The following FREM1 variants were observed in gnomAD, a reference collection of about 807,000 sequenced individuals.
The protein encoded by FREM1 is FRAS1-related extracellular matrix protein 1.
A neutral mutation model predicts 210.1 loss-of-function variants in FREM1; 220 were observed. The ratio of observed to expected loss-of-function variants is 1.05; its 90% CI spans 0.94 to 1.17. FREM1 has a LOEUF of 1.17. Among genes scored for constraint, FREM1 ranks in the 50% most tolerant of loss-of-function variants. The pLI, the probability that FREM1 is intolerant of heterozygous loss-of-function variation, is 0.00. For missense variants in FREM1, 3,454 were observed against 2,675.5 expected (o/e 1.29, Z -6.42); for synonymous variants, 1,189 against 980.2 (o/e 1.21, Z -3.98).
At chr9:14,837,714 A>G (rs770258982) in intron 10 of FREM1, among the ~76,000 whole-genome samples, 1 of 152,188 alleles carries the variant, frequency 6.6e-6, no homozygotes, top group Non-Finnish European at 1.5e-5. Context: ...TTAGCGAAAC[A>G]CTGTAATTGG....
At chr9:14,890,311 C>G (rs1395832291) in intron 1 of FREM1, among the ~76,000 whole-genome samples, 1 of 152,228 alleles carries the variant, frequency 6.6e-6, no homozygotes, top group Non-Finnish European at 1.5e-5. Flanking sequence ...AGCTCAAACT[C>G]TACCCTGCCA....
At chr9:14,888,844 G>A (rs1836275620) in intron 1 of FREM1, among the ~76,000 whole-genome samples, 1 of 151,954 alleles carries the variant, frequency 6.6e-6, no homozygotes, top group South Asian at 2.1e-4. Context: ...TGCTTTTTCT[G>A]AAAATAACTT....
intron 7 of FREM1, among the ~76,000 whole-genome samples, chr9:14,848,392 G>C (rs1345667302): frequency 6.6e-6 from 1 of 152,082 alleles, no homozygotes; most frequent in Non-Finnish European, 1.5e-5. Flanking sequence ...TCAGTTTTTT[G>C]CTTCATTCAG....
intron 10 of FREM1, among the ~76,000 whole-genome samples, chr9:14,837,536 C>A (rs948997098): frequency 5.9e-5 from 9 of 152,118 alleles, no homozygotes; most frequent in Non-Finnish European, 8.8e-5. Flanking sequence ...GCTGTACATT[C>A]TTCTTACACA....
Position 14,844,049 on chromosome 9 carries a change from G to A in FREM1, c.1394-1389C>T, listed in dbSNP as rs573203683. 4.5e-4 allele frequency among the ~76,000 whole-genome samples: 69 copies of A among 152,252 alleles called. No individual in the cohort carries two copies. The South Asian group carries it at 6.4e-3, about 14-fold the overall frequency. On this transcript the variant is annotated intron_variant, in intron 8 of 36. Coordinates refer to ENST00000380880, the MANE Select transcript of FREM1 (RefSeq NM_001379081.2). ...AGTTGATATGAGATAACAAGTTAAA[G>A]TATACAGAATGCTTTCTACAGTGTC...
chr9:14,901,183 A>T (rs1838720871), intron 1 of FREM1, among the ~76,000 whole-genome samples: 1 of 152,212 alleles, frequency 6.6e-6, no homozygotes, highest in Non-Finnish European at 1.5e-5. Context: ...GCAGTATGTA[A>T]TAGATCTCTC....
chr9:14,816,546 C>T (rs928529184), intron 15 of FREM1, among the ~76,000 whole-genome samples: 6 of 152,236 alleles, frequency 3.9e-5, no homozygotes, highest in African/African-American at 7.2e-5. Flanking sequence ...TCATAAAAGG[C>T]TCATAGCTCA....
chr9:14,791,011 G>A (rs917817506), intron 22 of FREM1: 1 of 152,184 alleles, frequency 6.6e-6, no homozygotes, highest in African/African-American at 2.4e-5. Context: ...GTTCCACATA[G>A]AATGAATTCT....
intron 16 of FREM1, among the ~76,000 whole-genome samples, chr9:14,809,819 G>A (rs754132681): frequency 2.4e-4 from 36 of 152,164 alleles, no homozygotes; most frequent in Admixed American, 9.8e-4. Flanking sequence ...CACACTATGC[G>A]TCAGGCACCG....
At chr9:14,816,160 T>C (rs565871295) in intron 15 of FREM1, among the ~76,000 whole-genome samples, 22 of 152,312 alleles carry the variant, frequency 1.4e-4, no homozygotes, top group African/African-American at 4.3e-4. Flanking sequence ...TTCAAAGATA[T>C]TAGAAATAAT....
chr9:14,828,335 G>T, intron 10 of FREM1, among the ~76,000 whole-genome samples: 1 of 152,138 alleles, frequency 6.6e-6, no homozygotes, highest in East Asian at 1.9e-4. Context: ...TTGAGTTTTG[G>T]ATCCTTTCTT....
At chr9:14,808,532 C>A (rs1818788497) in intron 16 of FREM1, among the ~76,000 whole-genome samples, 1 of 152,182 alleles carries the variant, frequency 6.6e-6, no homozygotes, top group Non-Finnish European at 1.5e-5. Flanking sequence ...TGGTAAGTGT[C>A]TTTCCATTTA....
chr9:14,759,518 C>CAATAATAATAATAATAATAAT (rs6150928), intron 28 of FREM1, among the ~76,000 whole-genome samples: 44,174 of 142,814 alleles, frequency 0.31, 7,327 homozygotes, highest in Non-Finnish European at 0.37. Flanking sequence ...CTCAAAATAA[C>CAATAATAATAATAATAATAAT]AATAATAATA....
At chr9:14,862,465 T>C (rs1830758592) in intron 3 of FREM1, among the ~76,000 whole-genome samples, 1 of 152,228 alleles carries the variant, frequency 6.6e-6, no homozygotes, top group African/African-American at 2.4e-5. Context: ...AAGTCAGATA[T>C]ACCATAATCG....
rs561371544 is a variant in FREM1 at position 14,866,444 on chromosome 9, C to A, written c.234+2300G>T. ...GCCATATACGGTAAGGAGTCATAGG[C>A]CATTTGAGGTAGGGAGAGGAGAGCT... On this transcript the variant is annotated intron_variant, in intron 2 of 36. Coordinates refer to ENST00000380880, the MANE Select transcript of FREM1 (RefSeq NM_001379081.2). Among the ~76,000 whole-genome samples, 314 of 152,120 alleles carry A rather than the reference C, an allele frequency of 2.1e-3. 1 individual carries two copies. The highest frequency in any genetic ancestry group is 3.0e-3 in the Non-Finnish European group (205 of 67,998).
In FREM1 at chr9:14,832,974, G is replaced by A. The variant is rs1029749250; in HGVS notation, c.1882-7982C>T. On this transcript the variant is annotated intron_variant, in intron 10 of 36. Coordinates refer to ENST00000380880, the MANE Select transcript of FREM1 (RefSeq NM_001379081.2). ...GCTGTTCCAGCCAGCCCAGCAGAAC[G>A]GTCAGTAACAAACTTGGCTATGGGC... 2.6e-5 allele frequency among the ~76,000 whole-genome samples: 4 copies of A among 152,160 alleles called. No individual in the cohort carries two copies. The East Asian group carries it at 5.8e-4, about 22-fold the overall frequency.
intron 16 of FREM1, among the ~76,000 whole-genome samples, chr9:14,812,145 T>C (rs1435430298): frequency 6.6e-6 from 1 of 152,190 alleles, no homozygotes; most frequent in East Asian, 1.9e-4. Context: ...AGGGTCTAGG[T>C]CATATTCCTG....
At chr9:14,827,839 T>A (rs1418105960) in intron 10 of FREM1, among the ~76,000 whole-genome samples, 1 of 152,144 alleles carries the variant, frequency 6.6e-6, no homozygotes, top group Non-Finnish European at 1.5e-5. Context: ...TCTGATGCAA[T>A]CCTTGGCCAT....
Position 14,747,806 on chromosome 9 carries a change from G to C in FREM1, c.5797-78C>G. On this transcript the variant is annotated intron_variant, in intron 31 of 36. Coordinates refer to ENST00000380880, the MANE Select transcript of FREM1 (RefSeq NM_001379081.2). ...GCAATAGGGTAAAACCACCAAGTAAGATCTTGCTAATGTCTGAACAATTAC... is the reference window on the plus strand; with the variant it reads ...GCAATAGGGTAAAACCACCAAGTAACATCTTGCTAATGTCTGAACAATTAC... 3.8e-6 allele frequency: 3 copies of C among 788,324 alleles called. No homozygotes were observed. In the East Asian group the frequency reaches 8.6e-5, roughly 23 times the overall value. 48.8% of individuals were successfully genotyped at this position (788,324 alleles called of 1,614,324 possible). A position where few individuals can be genotyped will look rare whatever the true frequency, so the allele number is the denominator to read the frequency against.
Sources: allele counts gnomAD v4.1 joint callset (sites outside exome capture counted in the v4.1 genomes callset), GRCh38; gene constraint gnomAD v4.1.1; transcripts MANE v1.5; gene names NCBI Gene and HGNC (gene_info 2026-07-23, HGNC 2026-07-21).